Variants in LRMDA observed in about 807,000 individuals in gnomAD.
LRMDA encodes leucine rich melanocyte differentiation associated, also known as leucine-rich melanocyte differentiation-associated protein.
A neutral mutation model predicts 29.8 loss-of-function variants in LRMDA; 18 were observed. That is an observed-to-expected ratio of 0.60 (90% CI 0.42 to 0.90). The LOEUF is 0.90. LRMDA is among the 40% of genes least tolerant of loss of function. The probability of loss-of-function intolerance (pLI) is 0.00; values close to 1 mark genes in which losing one functional copy is unlikely to be tolerated. For missense variants in LRMDA, 273 were observed against 273.9 expected (o/e 1.00, Z 0.02); for synonymous variants, 125 against 109.4 (o/e 1.14, Z -0.89).
intron 6 of LRMDA, among the ~76,000 whole-genome samples, chr10:76,402,669 C>T (rs926923968): frequency 1.3e-5 from 2 of 152,144 alleles, no homozygotes; most frequent in Admixed American, 6.5e-5. Context: ...GGTTCTTTAA[C>T]ACCAACACCA....
intron 3 of LRMDA, among the ~76,000 whole-genome samples, chr10:76,044,105 C>A (rs1159811865): frequency 6.6e-6 from 1 of 152,218 alleles, no homozygotes; most frequent in Admixed American, 6.5e-5. Flanking sequence ...GCTTGTCTGG[C>A]TGTCCTTCCT....
chr10:76,184,108 G>A (rs888990042), intron 5 of LRMDA, among the ~76,000 whole-genome samples: 1 of 151,104 alleles, frequency 6.6e-6, no homozygotes, highest in African/African-American at 2.4e-5. Flanking sequence ...TCAGCTCACT[G>A]CAACCTCTGC....
At chr10:76,380,647 C>T (rs182202393) in intron 6 of LRMDA, among the ~76,000 whole-genome samples, 23 of 133,272 alleles carry the variant, frequency 1.7e-4, no homozygotes, top group Admixed American at 1.0e-3. Context: ...CCAGCCTGGG[C>T]GACAGAGCAA....
At chr10:76,087,364 G>A (rs1849154292) in intron 5 of LRMDA, among the ~76,000 whole-genome samples, 1 of 152,196 alleles carries the variant, frequency 6.6e-6, no homozygotes, top group Admixed American at 6.5e-5. Flanking sequence ...TGGGGACTGG[G>A]TTATCTCTGA....
intron 2 of LRMDA, among the ~76,000 whole-genome samples, chr10:75,777,487 T>C (rs1180193188): frequency 1.3e-5 from 2 of 152,244 alleles, no homozygotes; most frequent in Admixed American, 1.3e-4. Flanking sequence ...CATCTGTGCC[T>C]GGCAGAGCAG....
chr10:76,226,033 A>C (rs1327951716), intron 5 of LRMDA, among the ~76,000 whole-genome samples: 1 of 151,960 alleles, frequency 6.6e-6, no homozygotes, highest in African/African-American at 2.4e-5. Context: ...AGCTTCATCC[A>C]TGTCCCTACA....
intron 2 of LRMDA, among the ~76,000 whole-genome samples, chr10:75,839,910 G>A (rs571091538): frequency 1.2e-4 from 18 of 151,908 alleles, no homozygotes; most frequent in East Asian, 5.8e-4. Context: ...GGGTTTCACC[G>A]TATTATCCAG....
chr10:76,123,280 A>G (rs1181578630), intron 5 of LRMDA, among the ~76,000 whole-genome samples: 1 of 151,826 alleles, frequency 6.6e-6, no homozygotes, highest in Non-Finnish European at 1.5e-5. Context: ...AGGCCAAGGC[A>G]GTCAGATTGA....
At chr10:76,481,297 CT>C (rs1842731005) in intron 6 of LRMDA, among the ~76,000 whole-genome samples, 1 of 151,936 alleles carries the variant, frequency 6.6e-6, no homozygotes. Flanking sequence ...TATGCTCAGC[CT>C]TCTCCTTCTC....
intron 6 of LRMDA, among the ~76,000 whole-genome samples, chr10:76,381,755 C>T (rs1309184670): frequency 6.6e-6 from 1 of 152,194 alleles, no homozygotes; most frequent in African/African-American, 2.4e-5. Flanking sequence ...CTAACCTACA[C>T]TCCTGTGTAC....
intron 6 of LRMDA, among the ~76,000 whole-genome samples, chr10:76,358,738 A>G (rs1435402148): frequency 6.6e-6 from 1 of 152,242 alleles, no homozygotes; most frequent in Non-Finnish European, 1.5e-5. Context: ...AGTGCAAAAC[A>G]TGAATATTTG....
At chr10:75,778,297 C>T (rs1237828778) in intron 2 of LRMDA, among the ~76,000 whole-genome samples, 11 of 152,098 alleles carry the variant, frequency 7.2e-5, no homozygotes, top group Non-Finnish European at 1.2e-4. Context: ...AAGATGATCT[C>T]GAACTCCTGG....
intron 5 of LRMDA, among the ~76,000 whole-genome samples, chr10:76,296,548 T>C (rs1271807863): frequency 6.6e-6 from 1 of 152,252 alleles, no homozygotes; most frequent in Non-Finnish European, 1.5e-5. Flanking sequence ...CTCAGCCTCT[T>C]CCTTTATTGA....
chr10:75,980,247 G>A (rs752072307), intron 2 of LRMDA, among the ~76,000 whole-genome samples: 1 of 152,158 alleles, frequency 6.6e-6, no homozygotes, highest in Non-Finnish European at 1.5e-5. Flanking sequence ...CTGTATCATA[G>A]GATCCTGACA....
At chr10:76,146,944 A>G (rs1392749848) in intron 5 of LRMDA, among the ~76,000 whole-genome samples, 3 of 152,122 alleles carry the variant, frequency 2.0e-5, no homozygotes, top group Non-Finnish European at 4.4e-5. Flanking sequence ...TTCACTTATG[A>G]AGCTTAGTTT....
At chr10:76,304,129 A>C (rs765559447) in intron 5 of LRMDA, among the ~76,000 whole-genome samples, 1 of 152,092 alleles carries the variant, frequency 6.6e-6, no homozygotes, top group Non-Finnish European at 1.5e-5. Context: ...TTAATTACTC[A>C]TTCATCAGAG....
intron 3 of LRMDA, among the ~76,000 whole-genome samples, chr10:76,041,721 C>G (rs1300166138): frequency 6.6e-6 from 1 of 152,104 alleles, no homozygotes; most frequent in Non-Finnish European, 1.5e-5. Context: ...TGATCTTGGG[C>G]CCTCTGCAGA....
chr10:75,739,872 G>T (rs552152661), intron 2 of LRMDA, among the ~76,000 whole-genome samples: 8 of 152,278 alleles, frequency 5.3e-5, no homozygotes, highest in African/African-American at 1.9e-4. Context: ...AAATAAGGCA[G>T]CACACACAAT....
chr10:76,438,831 T>A (rs1842271606), intron 6 of LRMDA: 1 of 152,252 alleles, frequency 6.6e-6, no homozygotes, highest in African/African-American at 2.4e-5. Context: ...ATGTATATGT[T>A]AATGTGTATT....
Sources: allele counts gnomAD v4.1 joint callset (sites outside exome capture counted in the v4.1 genomes callset), GRCh38; gene constraint gnomAD v4.1.1; transcripts MANE v1.5; gene names NCBI Gene and HGNC (gene_info 2026-07-23, HGNC 2026-07-21).